NRXN3: variants seen among roughly 807,000 people sequenced by gnomAD.
NRXN3 encodes neurexin 3.
In NRXN3, 32 loss-of-function variants were observed where a neutral mutation model predicts 137.6. The ratio of observed to expected loss-of-function variants is 0.23; its 90% CI spans 0.18 to 0.31. NRXN3 has a LOEUF of 0.31. Ranked by LOEUF, NRXN3 falls within the 10% of genes least tolerant of loss-of-function variation. NRXN3 has a pLI of 1.00. For synonymous variants in NRXN3, 798 were observed against 784.5 expected, an observed-to-expected ratio of 1.02 and a Z score of -0.29; for missense variants, 1,574 against 2,062.5, an observed-to-expected ratio of 0.76 and a Z score of 4.59.
intron 15 of NRXN3, among the ~76,000 whole-genome samples, chr14:79,050,719 A>C (rs567081711): frequency 1.3e-5 from 2 of 152,228 alleles, no homozygotes; most frequent in Non-Finnish European, 2.9e-5. Context: ...TCAAGGTCAC[A>C]TAGCTTGTTC....
At chr14:78,581,443 T>G (rs1008197865) in intron 4 of NRXN3, among the ~76,000 whole-genome samples, 1 of 152,138 alleles carries the variant, frequency 6.6e-6, no homozygotes, top group Non-Finnish European at 1.5e-5. Context: ...ATAGCTGACC[T>G]TTTATAGAGG....
intron 15 of NRXN3, among the ~76,000 whole-genome samples, chr14:79,140,911 T>C (rs2058728864): frequency 6.6e-6 from 1 of 152,094 alleles, no homozygotes; most frequent in Non-Finnish European, 1.5e-5. Flanking sequence ...TGAATAAACA[T>C]ACAAACACAT....
In NRXN3 at chr14:79,021,726, C is replaced by T. The variant is rs12588051; in HGVS notation, c.3262+33585C>T. ...GTTATGTGACTAATTAGAAAATTGGCTTGGCAGTGCCTAAACACCGGAAGC... is the reference window on the plus strand; with the variant it reads ...GTTATGTGACTAATTAGAAAATTGGTTTGGCAGTGCCTAAACACCGGAAGC... On this transcript the variant is annotated intron_variant, in intron 15 of 20. Coordinates refer to ENST00000335750, the MANE Select transcript of NRXN3 (RefSeq NM_001330195.2). 1.7e-3 allele frequency among the ~76,000 whole-genome samples: 264 copies of T among 152,268 alleles called. 9 individuals carry two copies. The East Asian group carries it at 0.041, about 24-fold the overall frequency.
At chr14:78,624,401 C>G (rs577556521) in intron 4 of NRXN3, among the ~76,000 whole-genome samples, 14 of 152,102 alleles carry the variant, frequency 9.2e-5, no homozygotes, top group African/African-American at 3.4e-4. Context: ...ATTAAGCACT[C>G]GAAGCAGAAC....
chr14:78,797,262 C>T (rs146528145), intron 8 of NRXN3, among the ~76,000 whole-genome samples: 72 of 152,204 alleles, frequency 4.7e-4, no homozygotes, highest in African/African-American at 1.6e-3. Flanking sequence ...CCTAGAGGAA[C>T]AGGGTTAGTG....
intron 8 of NRXN3, among the ~76,000 whole-genome samples, chr14:78,722,537 A>G (rs2098464783): frequency 6.6e-6 from 1 of 152,152 alleles, no homozygotes; most frequent in African/African-American, 2.4e-5. Context: ...CTTCTTCACT[A>G]CAGTTTGGAT....
intron 4 of NRXN3, among the ~76,000 whole-genome samples, chr14:78,457,609 T>C (rs1245430650): frequency 6.6e-6 from 1 of 152,122 alleles, no homozygotes; most frequent in Non-Finnish European, 1.5e-5. Context: ...AGAATTAGGA[T>C]TGTTAAGTCA....
intron 15 of NRXN3, among the ~76,000 whole-genome samples, chr14:79,445,896 C>T (rs528148115): frequency 2.0e-4 from 30 of 152,112 alleles, no homozygotes; most frequent in Admixed American, 4.6e-4. Context: ...GAATTGTGAG[C>T]GGGAGAGTGG....
At position 79,206,220 on chromosome 14, in the gene NRXN3, G is replaced by A. The variant is rs142071845; in HGVS notation, c.3262+218079G>A. On this transcript the variant is annotated intron_variant, in intron 15 of 20. Coordinates refer to ENST00000335750, the MANE Select transcript of NRXN3 (RefSeq NM_001330195.2). ...ATAATGATGATGAATGATAGCAGAT[G>A]TATATATGGTGCCTACTATGCCAGA... Among the ~76,000 whole-genome samples, 683 of 152,298 alleles carry A rather than the reference G, an allele frequency of 4.5e-3. 3 individuals carry two copies. The highest frequency in any genetic ancestry group is 0.016 in the African/African-American group (655 of 41,568).
intron 15 of NRXN3, among the ~76,000 whole-genome samples, chr14:79,296,576 A>C (rs2084197872): frequency 1.3e-5 from 2 of 152,062 alleles, no homozygotes; most frequent in Non-Finnish European, 2.9e-5. Flanking sequence ...TTGAGTAATA[A>C]CTATAATTAT....
At chr14:78,813,414 C>A (rs2098920904) in intron 10 of NRXN3, among the ~76,000 whole-genome samples, 2 of 152,048 alleles carry the variant, frequency 1.3e-5, no homozygotes, top group Non-Finnish European at 2.9e-5. Context: ...GTATTTGCAC[C>A]CTGGGTTTGA....
chr14:79,574,352 A>G (rs1436126281), intron 16 of NRXN3, among the ~76,000 whole-genome samples: 1 of 152,094 alleles, frequency 6.6e-6, no homozygotes, highest in Non-Finnish European at 1.5e-5. Context: ...ACAACTGCCT[A>G]TGTAGCCTTC....
chr14:79,281,513 C>G (rs1028317757), intron 15 of NRXN3, among the ~76,000 whole-genome samples: 6 of 152,084 alleles, frequency 3.9e-5, no homozygotes, highest in Non-Finnish European at 5.9e-5. Context: ...CTATGCACTC[C>G]ACTCTGATGG....
intron 4 of NRXN3, among the ~76,000 whole-genome samples, chr14:78,324,186 G>A (rs939312975): frequency 6.6e-6 from 1 of 152,046 alleles, no homozygotes; most frequent in Non-Finnish European, 1.5e-5. Flanking sequence ...CTTTTCATCT[G>A]TATTATGGGG....
chr14:79,067,223 C>A (rs1024414236), intron 15 of NRXN3, among the ~76,000 whole-genome samples: 4 of 152,074 alleles, frequency 2.6e-5, no homozygotes, highest in Admixed American at 2.6e-4. Flanking sequence ...TTGAGATAAT[C>A]ATGTGATTTT....
At chr14:79,399,034 G>GAA (rs895472475) in intron 15 of NRXN3, among the ~76,000 whole-genome samples, 2 of 132,258 alleles carry the variant, frequency 1.5e-5, no homozygotes, top group African/African-American at 5.6e-5. Flanking sequence ...AAAAGAAGAA[G>GAA]AAAAAAAAAA....
At position 78,325,139 on chromosome 14, in the gene NRXN3, A is replaced by G. The variant is rs147705889; in HGVS notation, c.757+27279A>G. On this transcript the variant is annotated intron_variant, in intron 4 of 20. Transcript: ENST00000335750. Reference sequence around the variant, plus strand: ...CAAACATTAAAAAATTTGCAAATATATAAAAATTAGCATCAGGACAGGAAT... The same window carrying G: ...CAAACATTAAAAAATTTGCAAATATGTAAAAATTAGCATCAGGACAGGAAT... 7.4e-4 allele frequency among the ~76,000 whole-genome samples: 113 copies of G among 152,152 alleles called. 2 individuals are homozygous for G. The highest frequency in any genetic ancestry group is 2.6e-3 in the African/African-American group (109 of 41,434).
At chr14:79,616,934 T>A (rs563788817) in intron 16 of NRXN3, among the ~76,000 whole-genome samples, 3 of 152,162 alleles carry the variant, frequency 2.0e-5, no homozygotes, top group Admixed American at 6.5e-5. Context: ...CCCATTTCCA[T>A]GTGCCCTCAA....
intron 16 of NRXN3, among the ~76,000 whole-genome samples, chr14:79,552,807 A>G (rs1027187386): frequency 2.0e-5 from 3 of 152,122 alleles, no homozygotes; most frequent in Non-Finnish European, 4.4e-5. Flanking sequence ...TATTATACAG[A>G]TAAAGTCTCT....
Sources: gnomAD v4.1 joint callset for allele counts (sites outside exome capture counted in the v4.1 genomes callset) on GRCh38, gnomAD v4.1.1 for gene constraint, MANE v1.5 for transcripts, NCBI Gene and HGNC (gene_info 2026-07-23, HGNC 2026-07-21) for gene names.